Variants in SV2C observed in about 807,000 individuals in gnomAD.
SV2C encodes solute carrier family 22 member B3.
Under a neutral mutation model 79.7 loss-of-function variants are expected in SV2C, and 49 were observed. The observed-to-expected ratio is 0.61, with a 90% CI of 0.49 to 0.78. SV2C has a LOEUF of 0.78. SV2C is among the 30% of genes least tolerant of loss of function. The pLI is 0.00. For missense variants in SV2C, 833 were observed against 912.9 expected (o/e 0.91, Z 1.13); for synonymous variants, 334 against 333.2 (o/e 1.00, Z -0.03).
At chr5:76,171,735 AGCC>A (rs1743273112) in intron 2 of SV2C, among the ~76,000 whole-genome samples, 1 of 133,644 alleles carries the variant, frequency 7.5e-6, no homozygotes, top group African/African-American at 2.7e-5. Context: ...CCGCCTGGCC[AGCC>A]GTGCCGTCCG....
At chr5:76,292,158 C>G (rs1747587365) in intron 8 of SV2C, among the ~76,000 whole-genome samples, 1 of 152,196 alleles carries the variant, frequency 6.6e-6, no homozygotes, top group African/African-American at 2.4e-5. Context: ...ACCAGCCTCT[C>G]TGCTCTTCTT....
the SV2C span, among the ~76,000 whole-genome samples, chr5:76,054,021 G>A: frequency 1.3e-5 from 2 of 152,022 alleles, no homozygotes; most frequent in Non-Finnish European, 2.9e-5. Context: ...TGCATGTTCA[G>A]AAGGTGCAAG....
intron 12 of SV2C, among the ~76,000 whole-genome samples, chr5:76,342,571 G>A (rs1749463575): frequency 6.6e-6 from 1 of 152,196 alleles, no homozygotes; most frequent in Admixed American, 6.5e-5. Flanking sequence ...GCCCCACAGG[G>A]CACACTCTGG....
intron 4 of SV2C, among the ~76,000 whole-genome samples, chr5:76,278,158 C>T (rs61079162): frequency 1.3e-5 from 2 of 151,494 alleles, no homozygotes; most frequent in African/African-American, 4.9e-5. Flanking sequence ...TTTGCCCATG[C>T]TCATGTACAC....
chr5:76,201,428 G>A (rs1309183255), intron 3 of SV2C, among the ~76,000 whole-genome samples: 2 of 152,180 alleles, frequency 1.3e-5, no homozygotes, highest in Non-Finnish European at 2.9e-5. Flanking sequence ...AAGGTCAGGA[G>A]AAAAATATAA....
At chr5:76,032,815 T>C in the SV2C span, among the ~76,000 whole-genome samples, 3 of 152,270 alleles carry the variant, frequency 2.0e-5, no homozygotes, top group South Asian at 4.1e-4. Flanking sequence ...CCCCGGAAAA[T>C]CGCCACACTG....
At chr5:75,995,454 A>G in the SV2C span, among the ~76,000 whole-genome samples, 3 of 152,152 alleles carry the variant, frequency 2.0e-5, no homozygotes, top group Non-Finnish European at 2.9e-5. Context: ...ACAGATTAGC[A>G]CATGACTGCA....
intron 4 of SV2C, among the ~76,000 whole-genome samples, chr5:76,232,780 T>G (rs1468334047): frequency 7.0e-6 from 1 of 143,344 alleles, no homozygotes; most frequent in Non-Finnish European, 1.5e-5. Context: ...AGGGCTCTGT[T>G]CTGTTCCATT....
At position 76,176,794 on chromosome 5, in the gene SV2C, G is replaced by A. The variant is rs1456775663; in HGVS notation, c.581-18125G>A. Reference sequence around the variant, plus strand: ...ATTTGCAGCATTGAAAGAAATATTAGCAATTAAGCCATTTTGATTTTCTTT... The same window carrying A: ...ATTTGCAGCATTGAAAGAAATATTAACAATTAAGCCATTTTGATTTTCTTT... On this transcript the variant is annotated intron_variant, in intron 2 of 12. Transcript: ENST00000502798. 2.6e-5 allele frequency among the ~76,000 whole-genome samples: 4 copies of A among 152,124 alleles called. No individual in the cohort carries two copies. The East Asian group carries it at 7.7e-4, about 29-fold the overall frequency.
chr5:75,878,612 G>C, the SV2C span, among the ~76,000 whole-genome samples: 2 of 151,928 alleles, frequency 1.3e-5, no homozygotes, highest in Admixed American at 1.3e-4. Context: ...ATCTGTCATA[G>C]CTGTTTTATG....
chr5:76,301,396 G>A lies in SV2C; in HGVS notation c.1851G>A (p.Met617Ile). ...CTGCATTGTTGGCAGGTGGCTCTAT[G>A]GTGCTTTCGGGGATCAGCTGTTTCT... Reference protein sequence around the residue: ...IGRLTMLGGSMVLSGISCFFL... With the variant: ...IGRLTMLGGSIVLSGISCFFL... The change falls in exon 12 of 13, where the codon ATG becomes ATA. Residue 617 changes from methionine to isoleucine, a missense_variant. Met to Ile is a conservative substitution (Grantham distance 10). Transcript: ENST00000502798. The A allele has an allele frequency of 2.5e-6, 4 of 1,613,958 alleles. No homozygotes were observed. Among genetic ancestry groups the A allele is most frequent in the Non-Finnish European group, 3.4e-6 (4 of 1,179,970 alleles).
chr5:76,025,667 A>T, the SV2C span, among the ~76,000 whole-genome samples: 1 of 152,210 alleles, frequency 6.6e-6, no homozygotes, highest in South Asian at 2.1e-4. Flanking sequence ...GCACTGTTTA[A>T]TACATGCCTG....
chr5:76,086,424 A>T (rs1307868440), intron 1 of SV2C, among the ~76,000 whole-genome samples: 1 of 152,188 alleles, frequency 6.6e-6, no homozygotes, highest in Non-Finnish European at 1.5e-5. Flanking sequence ...ACTCCAGATG[A>T]CGGTAGATTT....
chr5:76,264,337 C>A (rs531185834), intron 4 of SV2C, among the ~76,000 whole-genome samples: 1 of 152,012 alleles, frequency 6.6e-6, no homozygotes, highest in African/African-American at 2.4e-5. Context: ...TTCCTGTAAC[C>A]TTTTTTCAAA....
the SV2C span, among the ~76,000 whole-genome samples, chr5:75,853,834 G>A: frequency 1.7e-4 from 26 of 151,494 alleles, no homozygotes; most frequent in African/African-American, 6.3e-4. Context: ...CCATTTGTCA[G>A]TCTTTAAAAA....
At chr5:76,269,136 T>C (rs996720825) in intron 4 of SV2C, among the ~76,000 whole-genome samples, 1 of 152,186 alleles carries the variant, frequency 6.6e-6, no homozygotes, top group Non-Finnish European at 1.5e-5. Context: ...TTGAAGGTGG[T>C]GAGCCTGTCC....
chr5:76,068,294 T>C, the SV2C span, among the ~76,000 whole-genome samples: 2 of 152,200 alleles, frequency 1.3e-5, no homozygotes, highest in Non-Finnish European at 2.9e-5. Flanking sequence ...TTAACATATA[T>C]TGAGATACAA....
At chr5:75,876,175 A>T in the SV2C span, among the ~76,000 whole-genome samples, 1 of 152,224 alleles carries the variant, frequency 6.6e-6, no homozygotes, top group East Asian at 1.9e-4. Context: ...AACCTAAATG[A>T]CCTTCAGTGA....
At chr5:76,207,770 G>A (rs1440655307) in intron 3 of SV2C, among the ~76,000 whole-genome samples, 6 of 152,174 alleles carry the variant, frequency 3.9e-5, no homozygotes, top group Non-Finnish European at 8.8e-5. Flanking sequence ...TTTGTAGACA[G>A]CCTGGTGGAG....
Sources: gnomAD v4.1 joint callset for allele counts (sites outside exome capture counted in the v4.1 genomes callset) on GRCh38, gnomAD v4.1.1 for gene constraint, MANE v1.5 for transcripts, NCBI Gene and HGNC (gene_info 2026-07-23, HGNC 2026-07-21) for gene names.